Variants in FOXN3 observed in about 807,000 individuals in gnomAD.
FOXN3 encodes the protein forkhead box N3.
A neutral mutation model predicts 38.4 loss-of-function variants in FOXN3; 7 were observed. That is an observed-to-expected ratio of 0.18 (90% confidence interval 0.10 to 0.34). The LOEUF (loss-of-function observed/expected upper bound fraction) is 0.34. Ranked by LOEUF, FOXN3 falls within the 10% of genes least tolerant of loss-of-function variation. FOXN3 has a pLI of 1.00. For missense variants in FOXN3, 456 were observed against 613.4 expected (o/e 0.74, Z 2.71); for synonymous variants, 230 against 242.2 (o/e 0.95, Z 0.47).
At chr14:89,275,406 G>A (rs950410164) in intron 4 of FOXN3, among the ~76,000 whole-genome samples, 7 of 152,186 alleles carry the variant, frequency 4.6e-5, no homozygotes, top group Non-Finnish European at 1.0e-4. Context: ...ACTAGATAGG[G>A]AATCTTTGCC....
At chr14:89,613,844 G>A (rs1003508079) in intron 1 of FOXN3, among the ~76,000 whole-genome samples, 2 of 152,190 alleles carry the variant, frequency 1.3e-5, no homozygotes, top group Admixed American at 6.5e-5. Context: ...GCCATGAGCA[G>A]CACAGTTCTA....
At chr14:89,591,011 A>G (rs1306681940) in intron 1 of FOXN3, among the ~76,000 whole-genome samples, 1 of 152,204 alleles carries the variant, frequency 6.6e-6, no homozygotes, top group Non-Finnish European at 1.5e-5. Flanking sequence ...AAGCATAAAA[A>G]TGGATAGCTT....
At chr14:89,253,404 A>T (rs1237807709) in intron 4 of FOXN3, among the ~76,000 whole-genome samples, 1 of 152,056 alleles carries the variant, frequency 6.6e-6, no homozygotes, top group Non-Finnish European at 1.5e-5. Context: ...TCCAGTTTTC[A>T]CCACTCCGTG....
chr14:89,182,678 A>C (rs1335814952), intron 4 of FOXN3, among the ~76,000 whole-genome samples: 1 of 152,232 alleles, frequency 6.6e-6, no homozygotes, highest in Non-Finnish European at 1.5e-5. Context: ...ATAAGGAAGA[A>C]TGTCTAAAGT....
chr14:89,599,210 A>G (rs1313230979), intron 1 of FOXN3, among the ~76,000 whole-genome samples: 3 of 152,192 alleles, frequency 2.0e-5, no homozygotes, highest in Non-Finnish European at 4.4e-5. Flanking sequence ...GGTTTTTTTA[A>G]AGCTTAATTT....
chr14:89,552,774 G>A (rs559369454), intron 1 of FOXN3, among the ~76,000 whole-genome samples: 10 of 151,502 alleles, frequency 6.6e-5, no homozygotes, highest in East Asian at 2.0e-4. Flanking sequence ...CAGGAGAATC[G>A]CTTGAACCCA....
At chr14:89,463,238 G>C (rs1199424574) in intron 1 of FOXN3, among the ~76,000 whole-genome samples, 1 of 150,864 alleles carries the variant, frequency 6.6e-6, no homozygotes, top group Non-Finnish European at 1.5e-5. Flanking sequence ...GCAGTGAGCG[G>C]ACTCCAGCCT....
At chr14:89,248,608 T>G (rs1885364048) in intron 4 of FOXN3, among the ~76,000 whole-genome samples, 2 of 152,240 alleles carry the variant, frequency 1.3e-5, no homozygotes, top group African/African-American at 4.8e-5. Context: ...AGTGCATGCC[T>G]ACGTGTGCTG....
At chr14:89,413,968 A>AGGAGAAGGGGGAGGAGGAGGAGGGAT in intron 1 of FOXN3, among the ~76,000 whole-genome samples, 1 of 102,316 alleles carries the variant, frequency 9.8e-6, no homozygotes, top group African/African-American at 4.4e-5. Context: ...GGAGGGATGG[A>AGGAGAAGGGGGAGGAGGAGGAGGGAT]GGAGGAGGAG....
chr14:89,418,519 A>C (rs78932264), upstream of FOXN3, among the ~76,000 whole-genome samples: 1 of 144,588 alleles, frequency 6.9e-6, no homozygotes, highest in Non-Finnish European at 1.5e-5. Flanking sequence ...AGACCTTACT[A>C]CTTCCAAGTT....
In FOXN3 at chr14:89,164,656, C is replaced by T. The variant is rs751896391; in HGVS notation, c.852-1687G>A. On this transcript the variant is annotated intron_variant, in intron 5 of 5. Coordinates refer to ENST00000557258, the MANE Select transcript of FOXN3 (RefSeq NM_005197.4). This position sits in a 1 kb window ranked among gnomAD's most constrained non-coding sequence, Gnocchi z 4.3. ...AGGAAGTGCGGCACAGGTGGAATCA[C>T]GTGGCTGAGAGCATGAAGCTTGGGA... is the stretch of plus-strand genomic sequence containing the variant. 1.3e-5 allele frequency among the ~76,000 whole-genome samples: 2 copies of T among 152,176 alleles called. No homozygotes were observed. The highest frequency in any genetic ancestry group is 6.5e-5 in the Admixed American group (1 of 15,282).
At chr14:89,459,670 C>A (rs1370787267) in intron 1 of FOXN3, among the ~76,000 whole-genome samples, 1 of 152,316 alleles carries the variant, frequency 6.6e-6, no homozygotes, top group Non-Finnish European at 1.5e-5. Flanking sequence ...CAGATGGAAG[C>A]ATACCCTTCC....
At chr14:89,453,016 TG>T (rs1324760771) in intron 1 of FOXN3, among the ~76,000 whole-genome samples, 2 of 151,518 alleles carry the variant, frequency 1.3e-5, no homozygotes, top group African/African-American at 4.9e-5. Context: ...CTGGCCAATG[TG>T]GTGAAACTCC....
chr14:89,360,729 A>ACCT (rs1889470943), intron 2 of FOXN3, among the ~76,000 whole-genome samples: 1 of 138,254 alleles, frequency 7.2e-6, no homozygotes, highest in African/African-American at 2.8e-5. Context: ...CTCCACCACC[A>ACCT]CCACCTCCAG....
upstream of FOXN3, among the ~76,000 whole-genome samples, chr14:89,421,985 T>C (rs1891923672): frequency 6.6e-6 from 1 of 152,018 alleles, no homozygotes; most frequent in African/African-American, 2.4e-5. Context: ...ACTCAAACAA[T>C]CCTCCTTCCT....
In FOXN3 at chr14:89,350,766, T is replaced by C; in HGVS notation, c.586A>G (p.Arg196Gly). The change falls in exon 3 of 6, where the codon AGA becomes GGA. Residue 196 changes from arginine to glycine, a missense_variant. Arg to Gly is a moderately radical substitution (Grantham distance 125). Coordinates refer to ENST00000557258, the MANE Select transcript of FOXN3 (RefSeq NM_005197.4). ...GSLWCIDPEY[R>G]QNLIQALKKT... is the part of the protein sequence containing the mutation. ...TTCAAAGCCTGAATTAGATTTTGTC[T>C]ATACTCTGGGTCTATGCACCACAAC... The C allele has an allele frequency of 2.5e-6, 4 of 1,603,544 alleles. 1 individual carries two copies. The South Asian group carries it at 3.4e-5, about 13-fold the overall frequency.
intron 3 of FOXN3, among the ~76,000 whole-genome samples, chr14:89,284,706 T>A (rs1438500357): frequency 6.6e-6 from 1 of 152,190 alleles, no homozygotes; most frequent in East Asian, 1.9e-4. Flanking sequence ...TCCCATGACC[T>A]TCAGCAGTAT....
intron 1 of FOXN3, among the ~76,000 whole-genome samples, chr14:89,584,860 C>A (rs1410455488): frequency 6.6e-6 from 1 of 151,950 alleles, no homozygotes; most frequent in Non-Finnish European, 1.5e-5. Flanking sequence ...TTACAGGCAC[C>A]TGCCATCATG....
rs114298537 is a variant in FOXN3, at chr14:89,238,306, T to C, written c.745+42644A>G. On this transcript the variant is annotated intron_variant, in intron 4 of 5. Transcript: ENST00000557258. ...ACAAACATGCCTCCCAATCCCACTC[T>C]GTTTCTTGACTGGATCAAACTGATG... 6.6e-3 allele frequency among the ~76,000 whole-genome samples: 1,006 copies of C among 152,326 alleles called. 15 individuals carry two copies. The highest frequency in any genetic ancestry group is 0.023 in the African/African-American group (961 of 41,572).
Sources: gnomAD v4.1 joint callset for allele counts (sites outside exome capture counted in the v4.1 genomes callset) on GRCh38, gnomAD v4.1.1 for gene constraint, Gnocchi (gnomAD v3.1) non-coding constraint, MANE v1.5 for transcripts, NCBI Gene and HGNC (gene_info 2026-07-23, HGNC 2026-07-21) for gene names.